The following TYR variants were observed in gnomAD, a reference collection of about 807,000 sequenced individuals.
The protein encoded by TYR is tyrosinase.
Under a neutral mutation model 51.5 loss-of-function variants are expected in TYR, and 58 were observed. The ratio of observed to expected loss-of-function variants is 1.13; its 90% CI spans 0.91 to 1.40. The LOEUF (loss-of-function observed/expected upper bound fraction) is 1.40. Ranked by LOEUF, TYR falls within the 40% of genes most tolerant of loss-of-function variation. The probability of loss-of-function intolerance (pLI) is 0.00; values close to 1 mark genes in which losing one functional copy is unlikely to be tolerated. For missense variants in TYR, 732 were observed against 647.4 expected (o/e 1.13, Z -1.42); for synonymous variants, 263 against 235.2 (o/e 1.12, Z -1.08).
chr11:89,211,081 C>A (rs1943748097), intron 2 of TYR, among the ~76,000 whole-genome samples: 1 of 152,138 alleles, frequency 6.6e-6, no homozygotes, highest in African/African-American at 2.4e-5. Context: ...CAGTTAGCAT[C>A]ATAATGGCAG....
chr11:89,258,075 C>T (rs1944415755), intron 3 of TYR, among the ~76,000 whole-genome samples: 1 of 152,014 alleles, frequency 6.6e-6, no homozygotes, highest in Non-Finnish European at 1.5e-5. Context: ...GATTCCACAA[C>T]ACTTATTTTT....
chr11:89,197,961 A>T (rs891008448), intron 2 of TYR, among the ~76,000 whole-genome samples: 3 of 152,074 alleles, frequency 2.0e-5, no homozygotes, highest in African/African-American at 7.2e-5. Flanking sequence ...TTTCAATGTC[A>T]CTATCAAACA....
intron 4 of TYR, among the ~76,000 whole-genome samples, chr11:89,292,525 T>G (rs1161321319): frequency 2.0e-5 from 3 of 152,148 alleles, no homozygotes; most frequent in African/African-American, 7.2e-5. Flanking sequence ...TTTTCCTTGT[T>G]CAGAATTATT....
chr11:89,207,435 T>A (rs1341120118), intron 2 of TYR, among the ~76,000 whole-genome samples: 2 of 152,082 alleles, frequency 1.3e-5, no homozygotes, highest in Non-Finnish European at 2.9e-5. Context: ...ATAGACAACT[T>A]GAATAGCCCT....
intron 4 of TYR, among the ~76,000 whole-genome samples, chr11:89,288,318 G>C (rs1259086680): frequency 6.6e-6 from 1 of 151,950 alleles, no homozygotes; most frequent in Non-Finnish European, 1.5e-5. Flanking sequence ...TACAAAGCTA[G>C]TAAGTGTCAA....
At chr11:89,220,797 CAG>C (rs1015350677) in intron 2 of TYR, among the ~76,000 whole-genome samples, 1 of 151,984 alleles carries the variant, frequency 6.6e-6, no homozygotes, top group Non-Finnish European at 1.5e-5. Context: ...AAAACAAAAA[CAG>C]AGTTGCTATG....
At chr11:89,178,863 C>T (rs1337795842) in intron 1 of TYR, 91 bp downstream of exon 1, 1 of 1,281,174 alleles carries the variant, frequency 7.8e-7, no homozygotes. Context: ...CCTGAACACT[C>T]ATTGCAGCCC....
chr11:89,186,464 C>A (rs1438446613), intron 1 of TYR, among the ~76,000 whole-genome samples: 1 of 152,114 alleles, frequency 6.6e-6, no homozygotes, highest in Non-Finnish European at 1.5e-5. Flanking sequence ...TACCCATCCA[C>A]CAGCCCTACC....
At chr11:89,221,413 A>G (rs1943911125) in intron 2 of TYR, among the ~76,000 whole-genome samples, 1 of 152,214 alleles carries the variant, frequency 6.6e-6, no homozygotes, top group Admixed American at 6.5e-5. Flanking sequence ...ATAAATGCTA[A>G]TTAATTACAT....
chr11:89,194,808 G>T (rs1024855178), intron 2 of TYR, among the ~76,000 whole-genome samples: 1 of 152,106 alleles, frequency 6.6e-6, no homozygotes, highest in Non-Finnish European at 1.5e-5. Context: ...ACACCTTCAA[G>T]CTGGTTCTTA....
intron 3 of TYR, among the ~76,000 whole-genome samples, chr11:89,280,050 A>G (rs1455402064): frequency 6.6e-6 from 1 of 151,684 alleles, no homozygotes; most frequent in African/African-American, 2.4e-5. Flanking sequence ...TTCCAGCTTT[A>G]GCCTTTAGGA....
At chr11:89,191,112 C>CAACGATAATT (rs1457928196) in intron 1 of TYR, 90 bp from the exon 2 acceptor site, 2 of 1,172,434 alleles carry the variant, frequency 1.7e-6, no homozygotes, top group Non-Finnish European at 2.6e-6. Context: ...AGAAGTCTAA[C>CAACGATAATT]AACGATAATT....
intron 2 of TYR, among the ~76,000 whole-genome samples, chr11:89,199,825 A>G (rs1943573165): frequency 6.6e-6 from 1 of 152,144 alleles, no homozygotes. Flanking sequence ...TTAATTTTTC[A>G]TGATTTGAAC....
chr11:89,211,391 A>G (rs1943753540), intron 2 of TYR, among the ~76,000 whole-genome samples: 1 of 152,226 alleles, frequency 6.6e-6, no homozygotes, highest in South Asian at 2.1e-4. Context: ...CAATTCAACA[A>G]GAAGAGCTAA....
rs1156577257 is a variant in TYR at position 89,231,170 on chromosome 11, CAAAAAAAAA to C, written c.1184+3213_1184+3221del. Among the ~76,000 whole-genome samples the C allele has an allele frequency of 1.3e-3, 82 of 65,594 alleles. 2 individuals are homozygous for C. The highest frequency in any genetic ancestry group is 4.0e-3 in the African/African-American group (81 of 20,412). 43.0% of individuals were successfully genotyped at this position (65,594 alleles called of 152,430 possible). A position where few individuals can be genotyped will look rare whatever the true frequency, so the allele number is the denominator to read the frequency against. ...TGAGTGACAGGGTGAGACTTCGTCT[CAAAAAAAAA>C]AAAAAAAAAAAAGGAAGGAATTGTT... On this transcript the variant is annotated intron_variant, in intron 3 of 4. Coordinates refer to ENST00000263321, the MANE Select transcript of TYR (RefSeq NM_000372.5).
Position 89,252,680 on chromosome 11 carries a change from T to G in TYR, c.1184+24710T>G, listed in dbSNP as rs193002138. Among the ~76,000 whole-genome samples the G allele has an allele frequency of 9.9e-3, 1,506 of 151,866 alleles. 28 individuals carry two copies. The highest frequency in any genetic ancestry group is 0.035 in the African/African-American group (1,440 of 41,508). On this transcript the variant is annotated intron_variant, in intron 3 of 4. Coordinates refer to ENST00000263321, the MANE Select transcript of TYR (RefSeq NM_000372.5). ...TCAGAAAAAGCAAGTGCAAAACCTCTGAAATTAAAACAAACTAAGAATTTC... is the reference window on the plus strand; with the variant it reads ...TCAGAAAAAGCAAGTGCAAAACCTCGGAAATTAAAACAAACTAAGAATTTC...
chr11:89,278,659 A>G (rs1944686290), intron 3 of TYR, among the ~76,000 whole-genome samples: 1 of 151,636 alleles, frequency 6.6e-6, no homozygotes, highest in Admixed American at 6.6e-5. Context: ...GAGAGTTCCT[A>G]CATTTTCCAT....
rs200936835 is a variant in TYR, at chr11:89,178,712, A to T, written c.759A>T (p.Gly253=). 40 of 1,613,984 alleles carry T rather than the reference A, an allele frequency of 2.5e-5. No homozygotes were observed. Among genetic ancestry groups the T allele is most frequent in the Non-Finnish European group, 3.3e-5 (39 of 1,180,010 alleles). Residue 253 remains glycine, a synonymous_variant, in exon 1 of 5, where the codon GGA becomes GGT. Transcript: ENST00000263321. ...KCDICTDEYM[G]GQHPTNPNLL... ...ACATTTGCACAGATGAGTACATGGG[A>T]GGTCAGCACCCCACAAATCCTAACT...
chr11:89,263,514 G>C (rs1007987616), intron 3 of TYR, among the ~76,000 whole-genome samples: 1 of 151,962 alleles, frequency 6.6e-6, no homozygotes, highest in African/African-American at 2.4e-5. Context: ...GTTTAAGCCA[G>C]GGCCATTAGG....
Sources: allele counts gnomAD v4.1 joint callset (sites outside exome capture counted in the v4.1 genomes callset), GRCh38; gene constraint gnomAD v4.1.1; transcripts MANE v1.5; gene names NCBI Gene and HGNC (gene_info 2026-07-23, HGNC 2026-07-21).